PTPRS: variants seen among roughly 807,000 people sequenced by gnomAD.
PTPRS encodes protein tyrosine phosphatase receptor type S.
Under a neutral mutation model 215.3 loss-of-function variants are expected in PTPRS, and 63 were observed. That is an observed-to-expected ratio of 0.29 (90% confidence interval 0.24 to 0.36). The LOEUF is 0.36. Among genes scored for constraint, PTPRS ranks in the 10% least tolerant of loss-of-function variants. PTPRS has a pLI of 1.00. For synonymous variants in PTPRS, 1,404 were observed against 1,191.4 expected, an observed-to-expected ratio of 1.18 and a Z score of -3.68; for missense variants, 2,258 against 2,825.8, an observed-to-expected ratio of 0.80 and a Z score of 4.56.
intron 9 of PTPRS, among the ~76,000 whole-genome samples, chr19:5,249,183 C>T (rs1038014932): frequency 3.9e-4 from 60 of 152,118 alleles, no homozygotes; most frequent in Admixed American, 7.2e-4. Flanking sequence ...TGGCGGCGGG[C>T]GCCTGTAATC....
In PTPRS at chr19:5,215,662, G is replaced by C. The variant is rs905364115; in HGVS notation, c.4097-67C>G. 4.8e-5 allele frequency: 53 copies of C among 1,099,490 alleles called. 1 individual carries two copies. The highest frequency in any genetic ancestry group is 6.4e-5 in the Non-Finnish European group (48 of 752,928). 68.1% of individuals were successfully genotyped at this position (1,099,490 alleles called of 1,614,324 possible). On this transcript the variant is annotated intron_variant, in intron 26 of 37. Transcript: ENST00000262963. ...GGGCCAGCCGGGGACTCGGGGGAGG[G>C]GGGTGATCTACGTGTGAGTCTGCGA...
intron 1 of PTPRS, among the ~76,000 whole-genome samples, chr19:5,332,512 T>C (rs933909495): frequency 6.6e-6 from 1 of 152,210 alleles, no homozygotes; most frequent in African/African-American, 2.4e-5. Flanking sequence ...CATTCAGGGC[T>C]TCCTTGGAGG....
intron 1 of PTPRS, among the ~76,000 whole-genome samples, chr19:5,329,345 T>C (rs906641219): frequency 6.6e-6 from 1 of 151,934 alleles, no homozygotes; most frequent in East Asian, 1.9e-4. Context: ...CAAAAACACA[T>C]CCTGGCCGAT....
intron 9 of PTPRS, among the ~76,000 whole-genome samples, chr19:5,251,411 T>C (rs1381901801): frequency 6.6e-6 from 1 of 150,618 alleles, no homozygotes; most frequent in African/African-American, 2.4e-5. Context: ...AGCTGGACCT[T>C]TGGATGCGCT....
Position 5,205,685 on chromosome 19 carries a change from G to A in PTPRS, c.*1089C>T, listed in dbSNP as rs981249891. On this transcript the variant is annotated 3_prime_UTR_variant, in exon 38 of 38. Coordinates refer to ENST00000262963, the MANE Select transcript of PTPRS (RefSeq NM_002850.4). ...GGGTAGAGGGGGGCCTGTCCTTCTG[G>A]TTTTGCTCCCAAACTGCCCCACAGT... Among the ~76,000 whole-genome samples the A allele has an allele frequency of 1.3e-5, 2 of 152,166 alleles. No individual in the cohort carries two copies. The highest frequency in any genetic ancestry group is 4.8e-5 in the African/African-American group (2 of 41,426).
At chr19:5,223,376 ATTC>A in intron 17 of PTPRS, 79 bp from the exon 18 acceptor site, 1 of 1,360,666 alleles carries the variant, frequency 7.3e-7, no homozygotes, top group Non-Finnish European at 9.4e-7. Context: ...TGTATTTTTA[ATTC>A]TTTTCCTTCA....
At chr19:5,323,073 G>A (rs986737089) in intron 1 of PTPRS, among the ~76,000 whole-genome samples, 2 of 152,130 alleles carry the variant, frequency 1.3e-5, no homozygotes, top group East Asian at 3.9e-4. Context: ...TGAAGCATTC[G>A]AGGCTGGGAG....
At chr19:5,319,473 A>G (rs1600115080) in intron 1 of PTPRS, among the ~76,000 whole-genome samples, 1 of 133,814 alleles carries the variant, frequency 7.5e-6, no homozygotes, top group South Asian at 2.5e-4. Flanking sequence ...TCTCCCCACC[A>G]CCCACCTTTG....
chr19:5,224,362 G>A (rs2145458388), intron 17 of PTPRS, among the ~76,000 whole-genome samples: 1 of 152,308 alleles, frequency 6.6e-6, no homozygotes, highest in African/African-American at 2.4e-5. Flanking sequence ...TGAGGACTCA[G>A]AGAACCCCTC....
rs913383528 is a variant in PTPRS, at chr19:5,223,410, G to GT, written c.2495-114_2495-113insA. 1.8e-4 allele frequency: 202 copies of GT among 1,146,004 alleles called. 1 individual carries two copies. Among genetic ancestry groups the GT allele is most frequent in the Non-Finnish European group, 2.0e-4 (183 of 904,720 alleles). The allele number at this position is 1,146,004 out of a possible 1,614,324, so 71.0% of individuals were successfully genotyped here. On this transcript the variant is annotated intron_variant, in intron 17 of 37. Transcript: ENST00000262963. ...CTTCAATATAACATTTTTTTGAGTTGGGGGGGGTCTTACTCTGTTGCCCAG... is the reference window on the plus strand; with the variant it reads ...CTTCAATATAACATTTTTTTGAGTTGTGGGGGGGTCTTACTCTGTTGCCCAG...
chr19:5,313,649 G>T (rs1166506061), intron 1 of PTPRS, among the ~76,000 whole-genome samples: 1 of 152,204 alleles, frequency 6.6e-6, no homozygotes, highest in Non-Finnish European at 1.5e-5. Context: ...CAGGCGGCAG[G>T]AGGGGCTGGT....
In PTPRS at chr19:5,210,661, C is replaced by T; in HGVS notation, c.5361+18G>A. ...ACAGTCTGGCCCTCGCCCTTCCCTG[C>T]TGTGGCCCCTAGCTCACCCGGCCCA... On this transcript the variant is annotated intron_variant, in intron 34 of 37. Coordinates refer to ENST00000262963, the MANE Select transcript of PTPRS (RefSeq NM_002850.4). The surrounding 1 kb of genome is among the most constrained non-coding windows in gnomAD (Gnocchi z 4.5). 6.2e-7 allele frequency: 1 copy of T among 1,614,150 alleles called. No homozygotes were observed. Among genetic ancestry groups the T allele is most frequent in the South Asian group, 1.1e-5 (1 of 91,084 alleles).
At chr19:5,305,286 C>G (rs1275409178) in intron 1 of PTPRS, among the ~76,000 whole-genome samples, 3 of 152,146 alleles carry the variant, frequency 2.0e-5, no homozygotes, top group African/African-American at 7.2e-5. Context: ...TGGCTCATGC[C>G]TGTGATCCCT....
Position 5,237,506 on chromosome 19 carries a change from G to T in PTPRS, c.1849+1413C>A, listed in dbSNP as rs1056780167. ...CAACCTGCATGACATCTCGGGAAGG[G>T]ATGTGTGCAAAGACGTGGATGTGCG... On this transcript the variant is annotated intron_variant, in intron 13 of 37. Transcript: ENST00000262963. This position sits in a 1 kb window ranked among gnomAD's most constrained non-coding sequence, Gnocchi z 4.2. Among the ~76,000 whole-genome samples, 2 of 152,242 alleles carry T rather than the reference G, an allele frequency of 1.3e-5. No homozygotes were observed. The highest frequency in any genetic ancestry group is 4.8e-5 in the African/African-American group (2 of 41,472).
chr19:5,339,384 G>A lies in PTPRS; in HGVS notation c.-95+1280C>T, dbSNP rs2050611853. ...AGACGAGAAGACGATTTGAGACTGG[G>A]GAAAGAGGGTCAACCGAAGAAGGAG... On this transcript the variant is annotated intron_variant, in intron 1 of 37. Transcript: ENST00000262963. This position sits in a 1 kb window ranked among gnomAD's most constrained non-coding sequence, Gnocchi z 4.2. Among the ~76,000 whole-genome samples, 1 of 152,066 alleles carries A rather than the reference G, an allele frequency of 6.6e-6. No homozygotes were observed. Among genetic ancestry groups the A allele is most frequent in the African/African-American group, 2.4e-5 (1 of 41,398 alleles).
chr19:5,235,468 C>T (rs1032961541), intron 13 of PTPRS, among the ~76,000 whole-genome samples: 2 of 152,320 alleles, frequency 1.3e-5, no homozygotes, highest in African/African-American at 4.8e-5. Context: ...AGCCCTATCC[C>T]ACACCCTTTC....
chr19:5,231,354 G>A lies in PTPRS; in HGVS notation c.2111C>T (p.Pro704Leu), dbSNP rs945177819. 1.9e-6 allele frequency: 3 copies of A among 1,612,238 alleles called. No homozygotes were observed. Among genetic ancestry groups the A allele is most frequent in the Admixed American group, 3.3e-5 (2 of 59,992 alleles). ...ITTVAHTEVG[P>L]GPESSPVVVR... ...GACCACGGGCGAGCTCTCGGGCCCT[G>A]GTCCCACCTCTGTGTGAGCGACAGT... The change falls in exon 14 of 38, where the codon CCA (proline) becomes CTA (leucine). Residue 704 changes from proline to leucine, a missense_variant. Pro to Leu is a moderately conservative substitution (Grantham distance 98). This residue lies in a region of PTPRS where 371 missense variants were observed against 446.7 expected (regional missense o/e 0.83). Transcript: ENST00000262963.
At chr19:5,284,851 G>A (rs1321072880) in intron 2 of PTPRS, among the ~76,000 whole-genome samples, 4 of 152,172 alleles carry the variant, frequency 2.6e-5, no homozygotes, top group African/African-American at 2.4e-5. Context: ...GGGAGGCTGA[G>A]GTGGGAGGAT....
At chr19:5,299,522 T>C (rs1353644106) in intron 1 of PTPRS, among the ~76,000 whole-genome samples, 1 of 152,236 alleles carries the variant, frequency 6.6e-6, no homozygotes, top group Non-Finnish European at 1.5e-5. Flanking sequence ...ATTATTTTAC[T>C]GTCACCTGAA....
Sources: allele counts gnomAD v4.1 joint callset (sites outside exome capture counted in the v4.1 genomes callset), GRCh38; gene constraint gnomAD v4.1.1; regional missense constraint gnomAD v4.1.1; non-coding constraint Gnocchi (gnomAD v3.1); transcripts MANE v1.5; gene names NCBI Gene and HGNC (gene_info 2026-07-23, HGNC 2026-07-21).